Variants in ESR1 observed in about 807,000 individuals in gnomAD.
ESR1 encodes estrogen receptor 1.
ESR1 carries 12 observed loss-of-function variants against 52.7 expected under a neutral mutation model. The ratio of observed to expected loss-of-function variants is 0.23; its 90% CI spans 0.15 to 0.37. ESR1 has a LOEUF of 0.37. Among genes scored for constraint, ESR1 ranks in the 10% least tolerant of loss-of-function variants. The pLI is 1.00. For synonymous variants in ESR1, 305 were observed against 316.8 expected, an observed-to-expected ratio of 0.96 and a Z score of 0.39; for missense variants, 584 against 779.7, an observed-to-expected ratio of 0.75 and a Z score of 2.99.
intron 3 of ESR1, among the ~76,000 whole-genome samples, chr6:151,897,393 G>A (rs1256014622): frequency 1.3e-5 from 2 of 152,056 alleles, no homozygotes; most frequent in Admixed American, 6.5e-5. Flanking sequence ...TTAGGATTAT[G>A]GTATTTTCCT....
At position 152,099,669 on chromosome 6, in the gene ESR1, T is replaced by C; in HGVS notation, c.*703T>C. On this transcript the variant is annotated 3_prime_UTR_variant, in exon 8 of 8. Transcript: ENST00000206249. ...AGCTCTGCCTCTGGCTTTCCGGTCA[T>C]GGGTTCCAGTTAATTCATGCCTCCC... is the stretch of plus-strand genomic sequence containing the variant. The C allele has an allele frequency of 3.8e-6, 1 of 262,174 alleles. No individual in the cohort carries two copies. Among genetic ancestry groups the C allele is most frequent in the Non-Finnish European group, 7.2e-6 (1 of 138,330 alleles). The allele number at this position is 262,174 out of a possible 1,614,324, so 16.2% of individuals were successfully genotyped here. A position where few individuals can be genotyped will look rare whatever the true frequency, so the allele number is the denominator to read the frequency against.
At chr6:151,709,960 A>G (rs943001658) in intron 2 of ESR1, among the ~76,000 whole-genome samples, 1 of 151,424 alleles carries the variant, frequency 6.6e-6, no homozygotes, top group Non-Finnish European at 1.5e-5. Context: ...TTATTTTATT[A>G]TTTTTAATAT....
chr6:152,049,603 G>A (rs759116666), intron 5 of ESR1, among the ~76,000 whole-genome samples: 1 of 152,154 alleles, frequency 6.6e-6, no homozygotes, highest in Non-Finnish European at 1.5e-5. Context: ...GTGAGTAAAG[G>A]GTGTGTCAGT....
intron 2 of ESR1, among the ~76,000 whole-genome samples, chr6:151,719,804 GT>G (rs1436084598): frequency 6.6e-6 from 1 of 152,166 alleles, no homozygotes; most frequent in African/African-American, 2.4e-5. Flanking sequence ...AGAGAAAAGA[GT>G]TGTAAAGGAG....
At chr6:151,660,981 A>G (rs1777618714) in intron 1 of ESR1, among the ~76,000 whole-genome samples, 1 of 152,172 alleles carries the variant, frequency 6.6e-6, no homozygotes, top group Admixed American at 6.5e-5. Flanking sequence ...TTTGTAAATA[A>G]AAGCTTCCCA....
intron 2 of ESR1, among the ~76,000 whole-genome samples, chr6:151,864,095 G>T (rs1045479926): frequency 3.9e-5 from 6 of 152,132 alleles, no homozygotes; most frequent in Non-Finnish European, 8.8e-5. Context: ...TCTGTTCTTT[G>T]CTGGGGTATC....
chr6:152,119,443 T>C (rs188845312), intron 6 of ESR1, among the ~76,000 whole-genome samples: 4 of 152,240 alleles, frequency 2.6e-5, no homozygotes. Flanking sequence ...TTTTAGATTC[T>C]AATGCCTTAT....
At chr6:151,824,753 C>G (rs1164738228) in intron 1 of ESR1, among the ~76,000 whole-genome samples, 3 of 151,996 alleles carry the variant, frequency 2.0e-5, no homozygotes, top group African/African-American at 7.2e-5. Context: ...AACCTCATCT[C>G]TACTAAAAAT....
At chr6:151,699,958 G>T (rs994493532) in intron 1 of ESR1, among the ~76,000 whole-genome samples, 1 of 151,976 alleles carries the variant, frequency 6.6e-6, no homozygotes, top group African/African-American at 2.4e-5. Context: ...ACTGAAAATA[G>T]GATAAGGGGT....
rs572245206 is a variant in ESR1 at position 151,855,917 on chromosome 6, A to G, written c.643+13130A>G. On this transcript the variant is annotated intron_variant, in intron 2 of 7. Coordinates refer to ENST00000206249, the MANE Select transcript of ESR1 (RefSeq NM_000125.4). Reference sequence around the variant, plus strand: ...AGTGGCCTGTGATTTGTCGTTAGTCATTGCATGCTCAATTCTGCATGTGTG... The same window carrying G: ...AGTGGCCTGTGATTTGTCGTTAGTCGTTGCATGCTCAATTCTGCATGTGTG... 2.6e-5 allele frequency among the ~76,000 whole-genome samples: 4 copies of G among 152,288 alleles called. No individual in the cohort carries two copies. The South Asian group carries it at 8.3e-4, about 32-fold the overall frequency.
chr6:151,917,969 T>G (rs1281869935), intron 3 of ESR1, among the ~76,000 whole-genome samples: 2 of 152,224 alleles, frequency 1.3e-5, no homozygotes, highest in African/African-American at 4.8e-5. Context: ...GAATTGTAAA[T>G]ATAAACACAT....
intron 6 of ESR1, among the ~76,000 whole-genome samples, chr6:152,062,239 G>A (rs2047605352): frequency 6.6e-6 from 1 of 152,028 alleles, no homozygotes; most frequent in Non-Finnish European, 1.5e-5. Context: ...ACCACTGCTA[G>A]GAACCTGTGT....
At chr6:151,806,805 G>A (rs1365805213), upstream of ESR1, among the ~76,000 whole-genome samples, 1 of 151,862 alleles carries the variant, frequency 6.6e-6, no homozygotes, top group Non-Finnish European at 1.5e-5. Flanking sequence ...GGTTATGTTT[G>A]GTATGAAAAG....
intron 1 of ESR1, among the ~76,000 whole-genome samples, chr6:151,659,643 C>T (rs1386639025): frequency 6.6e-6 from 1 of 152,186 alleles, no homozygotes; most frequent in Non-Finnish European, 1.5e-5. Context: ...GGGAATTAGA[C>T]CCTTAATAGG....
intron 1 of ESR1, among the ~76,000 whole-genome samples, chr6:151,670,894 G>A (rs752032810): frequency 5.5e-5 from 8 of 146,124 alleles, no homozygotes; most frequent in African/African-American, 7.6e-5. Flanking sequence ...TCAGCTTCCC[G>A]AGTAGCTGGG....
At chr6:151,855,556 C>G (rs947864134) in intron 2 of ESR1, among the ~76,000 whole-genome samples, 2 of 152,108 alleles carry the variant, frequency 1.3e-5, no homozygotes, top group African/African-American at 4.8e-5. Context: ...TAAAATGTAA[C>G]AGATATGTAT....
At chr6:151,975,255 A>G (rs2039328453) in intron 4 of ESR1, among the ~76,000 whole-genome samples, 2 of 152,300 alleles carry the variant, frequency 1.3e-5, no homozygotes, top group Admixed American at 1.3e-4. Flanking sequence ...GCTTCACACA[A>G]AGTAAAAGAA....
intron 6 of ESR1, among the ~76,000 whole-genome samples, chr6:152,091,812 G>C (rs532408402): frequency 1.3e-5 from 2 of 152,290 alleles, no homozygotes; most frequent in South Asian, 4.2e-4. Context: ...CAAGCTGTTT[G>C]AGTCTCCATT....
intron 4 of ESR1, among the ~76,000 whole-genome samples, chr6:151,984,539 A>G (rs926173545): frequency 6.6e-6 from 1 of 152,152 alleles, no homozygotes; most frequent in Non-Finnish European, 1.5e-5. Flanking sequence ...TCCCTCTGTT[A>G]TTATACACTA....
Sources: allele counts gnomAD v4.1 joint callset (sites outside exome capture counted in the v4.1 genomes callset), GRCh38; gene constraint gnomAD v4.1.1; transcripts MANE v1.5; gene names NCBI Gene and HGNC (gene_info 2026-07-23, HGNC 2026-07-21).